Variants in ZNF385B observed in about 807,000 individuals in gnomAD.
ZNF385B encodes zinc finger protein 533.
ZNF385B carries 23 observed loss-of-function variants against 39.2 expected under a neutral mutation model. The ratio of observed to expected loss-of-function variants is 0.59; its 90% CI spans 0.42 to 0.83. The LOEUF (loss-of-function observed/expected upper bound fraction) is 0.83. Ranked by LOEUF, ZNF385B falls within the 40% of genes least tolerant of loss-of-function variation. ZNF385B has a pLI of 0.00. For missense variants in ZNF385B, 552 were observed against 598.9 expected, an observed-to-expected ratio of 0.92 and a Z score of 0.82; for synonymous variants, 205 against 222.6, an observed-to-expected ratio of 0.92 and a Z score of 0.70.
chr2:179,513,299 G>A (rs943035712), intron 5 of ZNF385B, among the ~76,000 whole-genome samples: 26 of 152,184 alleles, frequency 1.7e-4, no homozygotes, highest in Non-Finnish European at 1.6e-4. Flanking sequence ...ACTAAACACT[G>A]AGAACAAGTA....
intron 3 of ZNF385B, among the ~76,000 whole-genome samples, chr2:179,590,337 C>A (rs570312123): frequency 6.6e-6 from 1 of 152,162 alleles, no homozygotes; most frequent in Non-Finnish European, 1.5e-5. Context: ...TGGGATTAAA[C>A]GAGACAATGT....
At chr2:179,636,397 C>A (rs1691757409) in intron 3 of ZNF385B, among the ~76,000 whole-genome samples, 1 of 152,134 alleles carries the variant, frequency 6.6e-6, no homozygotes, top group African/African-American at 2.4e-5. Context: ...TCCCACTAAA[C>A]TCTGAGTAAA....
intron 1 of ZNF385B, among the ~76,000 whole-genome samples, chr2:179,773,674 G>A (rs1423608079): frequency 1.3e-5 from 2 of 152,126 alleles, no homozygotes; most frequent in Admixed American, 1.3e-4. Context: ...GAATAGGTAG[G>A]CAGAGGGCAA....
intron 6 of ZNF385B, among the ~76,000 whole-genome samples, chr2:179,474,022 T>C (rs1181714467): frequency 6.6e-6 from 1 of 152,090 alleles, no homozygotes. Flanking sequence ...CATTCTACTA[T>C]GCTATGGATG....
At position 179,552,555 on chromosome 2, in the gene ZNF385B, C is replaced by T. The variant is rs576211790; in HGVS notation, c.299-7586G>A. Among the ~76,000 whole-genome samples the T allele has an allele frequency of 2.4e-3, 363 of 149,350 alleles. 18 individuals carry two copies. Among genetic ancestry groups the T allele is most frequent in the South Asian group, 7.5e-3 (35 of 4,656 alleles). On this transcript the variant is annotated intron_variant, in intron 3 of 9. Transcript: ENST00000410066. ...GTGGCATTTCAGATTTTCTGCCATA[C>T]TCAGTTTTCTTTTTTCATTGCTTTC...
intron 4 of ZNF385B, among the ~76,000 whole-genome samples, chr2:179,527,432 G>C (rs116334287): frequency 0.02 from 3,068 of 151,532 alleles, 47 homozygotes; most frequent in Non-Finnish European, 0.032. Flanking sequence ...ATATTCCATT[G>C]ACAGAAAGGA....
chr2:179,564,275 A>AAGG (rs1422665457), intron 3 of ZNF385B, among the ~76,000 whole-genome samples: 1 of 152,156 alleles, frequency 6.6e-6, no homozygotes, highest in Non-Finnish European at 1.5e-5. Context: ...AGAATGGGAT[A>AAGG]AGGAACACTT....
chr2:179,812,856 A>C (rs1706822809), intron 1 of ZNF385B, among the ~76,000 whole-genome samples: 1 of 152,070 alleles, frequency 6.6e-6, no homozygotes, highest in Admixed American at 6.5e-5. Flanking sequence ...CTTAGTCATT[A>C]ATATTTCTTC....
chr2:179,675,114 T>A (rs1696574334), intron 3 of ZNF385B, among the ~76,000 whole-genome samples: 1 of 152,220 alleles, frequency 6.6e-6, no homozygotes, highest in African/African-American at 2.4e-5. Flanking sequence ...GCCTTACTGA[T>A]AACACATTTG....
chr2:179,606,223 A>G, intron 3 of ZNF385B, among the ~76,000 whole-genome samples: 1 of 152,142 alleles, frequency 6.6e-6, no homozygotes, highest in East Asian at 1.9e-4. Context: ...ATGTAGGTTA[A>G]GACTGGAATT....
intron 3 of ZNF385B, among the ~76,000 whole-genome samples, chr2:179,669,387 C>T (rs1054773987): frequency 3.3e-5 from 5 of 152,186 alleles, no homozygotes; most frequent in Non-Finnish European, 7.4e-5. Flanking sequence ...CACATAGGCT[C>T]GAACTCCCAA....
intron 3 of ZNF385B, among the ~76,000 whole-genome samples, chr2:179,762,927 T>C (rs1026185440): frequency 2.0e-5 from 3 of 152,158 alleles, no homozygotes; most frequent in Non-Finnish European, 4.4e-5. Flanking sequence ...TTATTTGAGA[T>C]GGAGTCTTGC....
chr2:179,645,651 TAA>T (rs1692655620), intron 3 of ZNF385B, among the ~76,000 whole-genome samples: 1 of 152,172 alleles, frequency 6.6e-6, no homozygotes, highest in Non-Finnish European at 1.5e-5. Flanking sequence ...TTATGCGATC[TAA>T]AGTGCCTTCT....
chr2:179,592,203 C>T (rs1313140707), intron 3 of ZNF385B, among the ~76,000 whole-genome samples: 3 of 152,114 alleles, frequency 2.0e-5, no homozygotes, highest in Non-Finnish European at 2.9e-5. Flanking sequence ...ACACGTTGCT[C>T]TCTCAGCAGT....
At chr2:179,493,535 G>A (rs1194137340) in intron 5 of ZNF385B, among the ~76,000 whole-genome samples, 3 of 150,764 alleles carry the variant, frequency 2.0e-5, no homozygotes, top group African/African-American at 7.3e-5. Context: ...GTACATATAT[G>A]CGTATACATA....
chr2:179,745,144 G>A (rs17824691), intron 3 of ZNF385B, among the ~76,000 whole-genome samples: 13,879 of 152,070 alleles, frequency 0.091, 711 homozygotes, highest in Non-Finnish European at 0.11. Context: ...GCACACAGTC[G>A]TTAGAAATTA....
chr2:179,464,705 A>G (rs1688092173), intron 6 of ZNF385B, among the ~76,000 whole-genome samples: 2 of 151,990 alleles, frequency 1.3e-5, no homozygotes, highest in South Asian at 2.1e-4. Flanking sequence ...CCATTAGTCT[A>G]TATCTCTGTT....
intron 3 of ZNF385B, among the ~76,000 whole-genome samples, chr2:179,638,094 A>G (rs13009601): frequency 0.17 from 26,539 of 152,136 alleles, 2,429 homozygotes; most frequent in Admixed American, 0.24. Context: ...AAAAACAAAT[A>G]TGAGAAAAAT....
intron 6 of ZNF385B, among the ~76,000 whole-genome samples, chr2:179,471,624 C>T (rs949338805): frequency 6.6e-6 from 1 of 152,138 alleles, no homozygotes; most frequent in Non-Finnish European, 1.5e-5. Context: ...TACTCTTCAC[C>T]ACTTCAAAAT....
Sources: gnomAD v4.1 joint callset for allele counts (sites outside exome capture counted in the v4.1 genomes callset) on GRCh38, gnomAD v4.1.1 for gene constraint, MANE v1.5 for transcripts, NCBI Gene and HGNC (gene_info 2026-07-23, HGNC 2026-07-21) for gene names.